Variants in MPPED2 observed in about 807,000 individuals in gnomAD.
MPPED2 encodes metallophosphoesterase MPPED2.
MPPED2 carries 5 observed loss-of-function variants against 33.0 expected under a neutral mutation model. The ratio of observed to expected loss-of-function variants is 0.15; its 90% CI spans 0.08 to 0.32. The LOEUF (loss-of-function observed/expected upper bound fraction) is 0.32, where lower values mean the gene tolerates loss of function less well. Ranked by LOEUF, MPPED2 falls within the 10% of genes least tolerant of loss-of-function variation. The pLI is 1.00. For synonymous variants in MPPED2, 136 were observed against 141.9 expected (o/e 0.96, Z 0.29); for missense variants, 275 against 372.1 (o/e 0.74, Z 2.15).
intron 4 of MPPED2, among the ~76,000 whole-genome samples, chr11:30,491,774 C>T (rs1027403933): frequency 1.3e-5 from 2 of 152,182 alleles, no homozygotes; most frequent in Non-Finnish European, 2.9e-5. Context: ...ATCAGTAGCT[C>T]TGGGAATATT....
intron 3 of MPPED2, among the ~76,000 whole-genome samples, chr11:30,496,575 T>C (rs919186947): frequency 6.6e-6 from 1 of 152,180 alleles, no homozygotes; most frequent in Non-Finnish European, 1.5e-5. Flanking sequence ...TAATGTTTCC[T>C]GCTATTCCAG....
At chr11:30,447,558 G>C (rs891854085) in intron 4 of MPPED2, among the ~76,000 whole-genome samples, 1 of 152,132 alleles carries the variant, frequency 6.6e-6, no homozygotes, top group East Asian at 1.9e-4. Context: ...ATAAAGTGTG[G>C]GGTGTCAAGA....
intron 4 of MPPED2, among the ~76,000 whole-genome samples, chr11:30,455,516 A>G (rs182268624): frequency 1.3e-5 from 2 of 152,368 alleles, no homozygotes; most frequent in East Asian, 3.9e-4. Flanking sequence ...ATACATTTGA[A>G]GCATAAAAGG....
intron 2 of MPPED2, among the ~76,000 whole-genome samples, chr11:30,576,696 T>G (rs1956944272): frequency 6.6e-6 from 1 of 152,008 alleles, no homozygotes; most frequent in African/African-American, 2.4e-5. Context: ...ATCATTCTGC[T>G]TGGGAAAGAT....
exon 7 of MPPED2, chr11:30,387,068 A>T (rs1316291665): frequency 3.3e-6 from 1 of 299,620 alleles, no homozygotes; most frequent in Non-Finnish European, 6.1e-6. Context: ...GTGCACGCAT[A>T]TAAGCACAGC....
intron 3 of MPPED2, among the ~76,000 whole-genome samples, chr11:30,513,141 C>G (rs1953324506): frequency 6.6e-6 from 1 of 152,024 alleles, no homozygotes; most frequent in South Asian, 2.1e-4. Context: ...TAATGAGAGA[C>G]AAGATCTCAG....
chr11:30,570,624 C>T (rs754180757), intron 2 of MPPED2, among the ~76,000 whole-genome samples: 44 of 152,104 alleles, frequency 2.9e-4, no homozygotes, highest in Non-Finnish European at 5.4e-4. Context: ...AGGACTTAAA[C>T]GAGCTAGTAA....
At chr11:30,560,171 GTTTA>G (rs1428571352) in intron 2 of MPPED2, among the ~76,000 whole-genome samples, 1 of 152,052 alleles carries the variant, frequency 6.6e-6, no homozygotes, top group Non-Finnish European at 1.5e-5. Flanking sequence ...TTTTTATTGT[GTTTA>G]TTTGTTTTCA....
chr11:30,476,856 A>G (rs1007147638), intron 4 of MPPED2, among the ~76,000 whole-genome samples: 1 of 152,034 alleles, frequency 6.6e-6, no homozygotes, highest in Non-Finnish European at 1.5e-5. Context: ...GCAGTTCGCA[A>G]ACATAATATA....
chr11:30,458,134 T>A (rs557517244), intron 4 of MPPED2, among the ~76,000 whole-genome samples: 47 of 152,270 alleles, frequency 3.1e-4, no homozygotes, highest in Middle Eastern at 3.4e-3. Context: ...TCGTGCCTAA[T>A]GAGAGATTAA....
chr11:30,471,488 C>T (rs976425681), intron 4 of MPPED2, among the ~76,000 whole-genome samples: 1 of 152,194 alleles, frequency 6.6e-6, no homozygotes, highest in Non-Finnish European at 1.5e-5. Context: ...GCCCTTTCTG[C>T]CTTAAATATC....
chr11:30,407,439 T>C (rs1213651473), downstream of MPPED2, among the ~76,000 whole-genome samples: 1 of 152,194 alleles, frequency 6.6e-6, no homozygotes, highest in Non-Finnish European at 1.5e-5. Flanking sequence ...TAGGCTCCCT[T>C]ATCCGCCTCC....
intron 4 of MPPED2, among the ~76,000 whole-genome samples, chr11:30,489,354 G>T (rs1241564822): frequency 6.6e-6 from 1 of 152,228 alleles, no homozygotes. Flanking sequence ...GAGCAACCTT[G>T]TAGCTATTTG....
chr11:30,455,679 G>C (rs17399949), intron 4 of MPPED2, among the ~76,000 whole-genome samples: 2 of 152,122 alleles, frequency 1.3e-5, no homozygotes, highest in African/African-American at 4.8e-5. Flanking sequence ...ATGCCTGTGC[G>C]CTTCATCAAC....
intron 3 of MPPED2, among the ~76,000 whole-genome samples, chr11:30,517,668 A>G (rs1002419809): frequency 2.0e-5 from 3 of 152,090 alleles, no homozygotes; most frequent in African/African-American, 7.2e-5. Flanking sequence ...CAGGGTACTA[A>G]TGAGAAGGGA....
chr11:30,452,782 G>C (rs1208384670), intron 4 of MPPED2, among the ~76,000 whole-genome samples: 1 of 152,074 alleles, frequency 6.6e-6, no homozygotes, highest in Non-Finnish European at 1.5e-5. Context: ...CCACTATTAG[G>C]ATAAAAGAGC....
intron 4 of MPPED2, chr11:30,441,514 T>C (rs891787975): frequency 1.3e-5 from 2 of 152,232 alleles, no homozygotes; most frequent in Admixed American, 1.3e-4. Context: ...CTGTAATGTA[T>C]GAAATACTAA....
intron 6 of MPPED2, among the ~76,000 whole-genome samples, chr11:30,397,845 G>A (rs576876133): frequency 6.6e-6 from 1 of 152,132 alleles, no homozygotes; most frequent in South Asian, 2.1e-4. Flanking sequence ...AATGAAAGCT[G>A]TTTACCACCA....
chr11:30,401,348 T>C (rs1947906050), intron 6 of MPPED2, among the ~76,000 whole-genome samples: 1 of 152,192 alleles, frequency 6.6e-6, no homozygotes, highest in African/African-American at 2.4e-5. Flanking sequence ...CTGAATCTTA[T>C]GCTAAGTAAA....
Sources: allele counts gnomAD v4.1 joint callset (sites outside exome capture counted in the v4.1 genomes callset), GRCh38; gene constraint gnomAD v4.1.1; transcripts MANE v1.5; gene names NCBI Gene and HGNC (gene_info 2026-07-23, HGNC 2026-07-21).